The following UTP11 variants were observed in gnomAD, a reference collection of about 807,000 sequenced individuals.
UTP11 encodes probable U3 small nucleolar RNA-associated protein 11.
In UTP11, 29 loss-of-function variants were observed where a neutral mutation model predicts 39.0. The observed-to-expected ratio is 0.74, with a 90% CI of 0.55 to 1.01. UTP11 has a LOEUF of 1.01. Among genes scored for constraint, UTP11 ranks in the 50% least tolerant of loss-of-function variants. UTP11 has a pLI of 0.00. For missense variants in UTP11, 281 were observed against 306.0 expected, an observed-to-expected ratio of 0.92 and a Z score of 0.61; for synonymous variants, 111 against 105.0, an observed-to-expected ratio of 1.06 and a Z score of -0.35.
chr1:38,012,768 C>T lies in UTP11; in HGVS notation c.-35C>T, dbSNP rs544489041. On this transcript the variant is annotated 5_prime_UTR_variant, in exon 1 of 8. Transcript: ENST00000373014. ...GGCGGCAGAGGCAGTGCGGATCCGG[C>T]GTTCTCCACTGATCTTTTCCAAGGC... 4.3e-6 allele frequency: 7 copies of T among 1,613,478 alleles called. No individual in the cohort carries two copies. The highest frequency in any genetic ancestry group is 1.3e-5 in the African/African-American group (1 of 74,932).
chr1:38,016,412 T>A lies in UTP11; in HGVS notation c.117T>A (p.Leu39=). The A allele has an allele frequency of 6.2e-7, 1 of 1,614,206 alleles. No individual in the cohort carries two copies. The highest frequency in any genetic ancestry group is 8.5e-7 in the Non-Finnish European group (1 of 1,180,028). Residue 39 remains leucine (L), a synonymous_variant, in exon 2 of 8, where the codon CTT becomes CTA. Coordinates refer to ENST00000373014, the MANE Select transcript of UTP11 (RefSeq NM_016037.4). The part of the protein sequence containing the change: ...GLLEKKKDYK[L]RADDYRKKQE... ...TGGAGAAAAAGAAAGATTACAAACT[T>A]CGTGCAGAGTGAGTTCAGTCTTTCT... is the stretch of plus-strand genomic sequence containing the variant.
Position 38,019,361 on chromosome 1 carries a change from T to C in UTP11, c.545T>C (p.Val182Ala). ...TTGCAGAAAGAAAAAGTGAAAGGAGTTACCAATCAGACTGGACTTAAGGTA... is the reference window on the plus strand; with the variant it reads ...TTGCAGAAAGAAAAAGTGAAAGGAGCTACCAATCAGACTGGACTTAAGGTA... Reference protein sequence around the residue: ...ETLQKEKVKGVTNQTGLKRIA... With the variant: ...ETLQKEKVKGATNQTGLKRIA... Residue 182 changes from valine to alanine, a missense_variant, in exon 6 of 8, where the codon GTT (valine) becomes GCT (alanine). Val to Ala is a moderately conservative substitution (Grantham distance 64). Coordinates refer to ENST00000373014, the MANE Select transcript of UTP11 (RefSeq NM_016037.4). The C allele has an allele frequency of 6.2e-7, 1 of 1,613,538 alleles. No homozygotes were observed. Among genetic ancestry groups the C allele is most frequent in the Non-Finnish European group, 8.5e-7 (1 of 1,179,886 alleles).
At chr1:38,012,924 C>T in intron 1 of UTP11, 59 bp downstream of exon 1, 1 of 1,607,036 alleles carries the variant, frequency 6.2e-7, no homozygotes, top group Non-Finnish European at 8.5e-7. Flanking sequence ...ACCCTTGCCC[C>T]AACCCTGTCG....
intron 2 of UTP11, chr1:38,016,866 A>G (rs1646709967): frequency 6.0e-6 from 1 of 166,698 alleles, no homozygotes; most frequent in Admixed American, 5.7e-5. Flanking sequence ...TGAACTCTGA[A>G]AACATTTTAT....
At position 38,024,599 on chromosome 1, in the gene UTP11, G is replaced by T. The variant is rs1049560380; in HGVS notation, c.*971G>T. On this transcript the variant is annotated 3_prime_UTR_variant, in exon 8 of 8. Transcript: ENST00000373014. ...TTTTTGTATTTTTTTAGTAGAGACG[G>T]GGTTTCACCTTGTTAGCCAGGATGG... The T allele has an allele frequency of 4.0e-5, 6 of 150,904 alleles. No homozygotes were observed. Among genetic ancestry groups the T allele is most frequent in the African/African-American group, 1.5e-4 (6 of 41,002 alleles). 9.3% of individuals were successfully genotyped at this position (150,904 alleles called of 1,614,324 possible). A position where few individuals can be genotyped will look rare whatever the true frequency, so the allele number is the denominator to read the frequency against.
rs1485411686 is a variant in UTP11 at position 38,017,585 on chromosome 1, G to A, written c.126-83G>A. 5 of 1,096,912 alleles carry A rather than the reference G, an allele frequency of 4.6e-6. No homozygotes were observed. In the East Asian group the frequency reaches 8.1e-5, roughly 18 times the overall value. The allele number at this position is 1,096,912 out of a possible 1,614,324, so 67.9% of individuals were successfully genotyped here. A position where few individuals can be genotyped will look rare whatever the true frequency, so the allele number is the denominator to read the frequency against. On this transcript the variant is annotated intron_variant, in intron 2 of 7. Transcript: ENST00000373014. The stretch of plus-strand genomic sequence containing the variant: ...GTGTGACCTTTTAGATGCTTGTAAA[G>A]TTTGCTTATTGTGGGTTTTTGGTTT...
intron 6 of UTP11, among the ~76,000 whole-genome samples, chr1:38,021,950 A>T (rs1045679931): frequency 6.6e-6 from 1 of 152,040 alleles, no homozygotes; most frequent in African/African-American, 2.4e-5. Context: ...TCTGAGGTTG[A>T]TGATTCCCCA....
intron 6 of UTP11, 89 bp downstream of exon 6, chr1:38,019,472 A>C: frequency 8.5e-7 from 1 of 1,177,942 alleles, no homozygotes; most frequent in Non-Finnish European, 1.1e-6. Context: ...TGCATTTAAA[A>C]TAATTTTTAA....
In UTP11 at chr1:38,012,796, T is replaced by G. The variant is rs1174654047; in HGVS notation, c.-7T>G. ...TCTCCACTGATCTTTTCCAAGGCTG[T>G]ACAGACATGGCGGCGGCTTTTCGGA... On this transcript the variant is annotated 5_prime_UTR_variant, in exon 1 of 8. Transcript: ENST00000373014. 1.2e-6 allele frequency: 2 copies of G among 1,614,200 alleles called. No homozygotes were observed. The highest frequency in any genetic ancestry group is 1.7e-5 in the Admixed American group (1 of 60,030).
Position 38,024,630 on chromosome 1 carries a change from A to G in UTP11, c.*1002A>G, listed in dbSNP as rs1646755779. ...CACCTTGTTAGCCAGGATGGTCTCG[A>G]TCTCCTGACCTCATGATCCACCCGC... is the stretch of plus-strand genomic sequence containing the variant. On this transcript the variant is annotated 3_prime_UTR_variant, in exon 8 of 8. Coordinates refer to ENST00000373014, the MANE Select transcript of UTP11 (RefSeq NM_016037.4). 1 of 147,514 alleles carries G rather than the reference A, an allele frequency of 6.8e-6. No homozygotes were observed. Among genetic ancestry groups the G allele is most frequent in the Non-Finnish European group, 1.5e-5 (1 of 66,904 alleles). 9.1% of individuals were successfully genotyped at this position (147,514 alleles called of 1,614,324 possible).
At chr1:38,018,620 G>T in intron 4 of UTP11, 43 bp downstream of exon 4, 1 of 1,438,088 alleles carries the variant, frequency 7.0e-7, no homozygotes. Flanking sequence ...GGTTAAGAAG[G>T]GAAACTTAAA....
At position 38,019,066 on chromosome 1, in the gene UTP11, A is replaced by G. The variant is rs760392086; in HGVS notation, c.350A>G (p.Glu117Gly). The G allele has an allele frequency of 4.3e-6, 7 of 1,613,280 alleles. No homozygotes were observed. Among genetic ancestry groups the G allele is most frequent in the Middle Eastern group, 1.6e-4 (1 of 6,076 alleles). The change falls in exon 5 of 8, where the codon GAA becomes GGA. Residue 117 changes from glutamate to glycine, a missense_variant. Coordinates refer to ENST00000373014, the MANE Select transcript of UTP11 (RefSeq NM_016037.4). ...MKRVAEAKKI[E>G]RLKSELHLLD... The stretch of plus-strand genomic sequence containing the variant: ...CCATATTCTGTGTTCTAGAAAATCG[A>G]AAGACTAAAATCAGAGCTCCATCTG...
At chr1:38,018,231 G>A (rs771153209) in intron 3 of UTP11, among the ~76,000 whole-genome samples, 1 of 151,922 alleles carries the variant, frequency 6.6e-6, no homozygotes, top group South Asian at 2.1e-4. Flanking sequence ...TACTGTGCCC[G>A]GCTAAGTTTT....
chr1:38,018,134 G>A (rs1044243227), intron 3 of UTP11, among the ~76,000 whole-genome samples: 4 of 151,752 alleles, frequency 2.6e-5, no homozygotes, highest in African/African-American at 4.8e-5. Context: ...GCAGTGGTGC[G>A]ACCTCGGCTC....
chr1:38,012,987 A>G, intron 1 of UTP11, 122 bp downstream of exon 1: 2 of 1,195,028 alleles, frequency 1.7e-6, no homozygotes, highest in Non-Finnish European at 2.4e-6. Context: ...ACGTAAATGT[A>G]TGTTAATGAC....
At chr1:38,023,438 C>A in intron 7 of UTP11, 107 bp from the exon 8 acceptor site, 1 of 970,422 alleles carries the variant, frequency 1.0e-6, no homozygotes, top group Non-Finnish European at 1.5e-6. Context: ...TGTCCGTTCT[C>A]AACTTTGAGA....
At chr1:38,021,960 A>G (rs774943400) in intron 6 of UTP11, among the ~76,000 whole-genome samples, 2 of 152,064 alleles carry the variant, frequency 1.3e-5, no homozygotes, top group Non-Finnish European at 2.9e-5. Flanking sequence ...ATGATTCCCC[A>G]AAATGTAAGG....
At chr1:38,016,541 GC>G in intron 2 of UTP11, 121 bp downstream of exon 2, 1 of 968,710 alleles carries the variant, frequency 1.0e-6, no homozygotes, top group Non-Finnish European at 1.6e-6. Flanking sequence ...AATGGCCAAA[GC>G]TCTGGCAGCC....
intron 1 of UTP11, among the ~76,000 whole-genome samples, chr1:38,013,531 T>A (rs1646689791): frequency 6.6e-6 from 1 of 152,074 alleles, no homozygotes. Flanking sequence ...ATATGCAGAA[T>A]CAGTTGATAC....
Sources: gnomAD v4.1 joint callset for allele counts (sites outside exome capture counted in the v4.1 genomes callset) on GRCh38, gnomAD v4.1.1 for gene constraint, MANE v1.5 for transcripts, NCBI Gene and HGNC (gene_info 2026-07-23, HGNC 2026-07-21) for gene names.